The following MCAT variants were observed in gnomAD, a reference collection of about 807,000 sequenced individuals.
The protein encoded by MCAT is malonyl-CoA-acyl carrier protein transacylase, mitochondrial.
Under a neutral mutation model 22.9 loss-of-function variants are expected in MCAT, and 22 were observed. That is an observed-to-expected ratio of 0.96 (90% confidence interval 0.69 to 1.37). MCAT has a LOEUF of 1.37. Ranked by LOEUF, MCAT falls within the 40% of genes most tolerant of loss-of-function variation. The pLI, the probability that MCAT is intolerant of heterozygous loss-of-function variation, is 0.00. For missense variants in MCAT, 534 were observed against 533.6 expected, an observed-to-expected ratio of 1.00 and a Z score of -0.01; for synonymous variants, 240 against 233.9, an observed-to-expected ratio of 1.03 and a Z score of -0.24.
At position 43,137,253 on chromosome 22, in the gene MCAT, G is replaced by A; in HGVS notation, c.557C>T (p.Ser186Leu). Residue 186 changes from serine to leucine, a missense_variant, in exon 3 of 4, where the codon TCA becomes TTA. By Grantham distance (145) the Ser-to-Leu change is moderately radical. Coordinates refer to ENST00000290429, the MANE Select transcript of MCAT (RefSeq NM_173467.5). ...KIRAEAMQEA[S>L]EAVPSGMLSV... is the part of the protein sequence containing the mutation. The stretch of plus-strand genomic sequence containing the variant: ...CAGCATCCCACTGGGGACAGCTTCT[G>A]AAGCTTCCTGCATGGCCTCAGCTCG... The A allele has an allele frequency of 6.2e-7, 1 of 1,614,192 alleles. No individual in the cohort carries two copies. Among genetic ancestry groups the A allele is most frequent in the Non-Finnish European group, 8.5e-7 (1 of 1,180,040 alleles).
In MCAT at chr22:43,143,092, C is replaced by T; in HGVS notation, c.257G>A (p.Arg86His). The T allele has an allele frequency of 6.2e-7, 1 of 1,606,798 alleles. No individual in the cohort carries two copies. The highest frequency in any genetic ancestry group is 8.5e-7 in the Non-Finnish European group (1 of 1,179,030). Reference sequence around the variant, plus strand: ...GGCGGCGGCGTAGAGTTCGCGGACGCGCGGGTAGTTGAGCAGACCGCGGCC... The same window carrying T: ...GGCGGCGGCGTAGAGTTCGCGGACGTGCGGGTAGTTGAGCAGACCGCGGCC... ...GMGRGLLNYP[R>H]VRELYAAARR... The change falls in exon 1 of 4, where the codon CGC becomes CAC. Residue 86 changes from arginine (R) to histidine (H), a missense_variant. Coordinates refer to ENST00000290429, the MANE Select transcript of MCAT (RefSeq NM_173467.5).
rs746185442 is a variant in MCAT at position 43,143,364 on chromosome 22, C to T, written c.-16G>A. ...GGACGCTCATGGTCGGACACCTGCC[C>T]GCGCGCGTTACCGTGGCGACCGAGG... On this transcript the variant is annotated 5_prime_UTR_variant, in exon 1 of 4. Coordinates refer to ENST00000290429, the MANE Select transcript of MCAT (RefSeq NM_173467.5). 21 of 1,352,304 alleles carry T rather than the reference C, an allele frequency of 1.6e-5. No individual in the cohort carries two copies. The African/African-American group carries it at 2.9e-4, about 19-fold the overall frequency. The allele number at this position is 1,352,304 out of a possible 1,614,324, so 83.8% of individuals were successfully genotyped here. A position where few individuals can be genotyped will look rare whatever the true frequency, so the allele number is the denominator to read the frequency against.
intron 2 of MCAT, among the ~76,000 whole-genome samples, chr22:43,137,953 T>C (rs963906581): frequency 5.3e-5 from 8 of 152,158 alleles, no homozygotes; most frequent in Non-Finnish European, 1.2e-4. Context: ...AGGCCGGGCA[T>C]GGTGGCTTAT....
At chr22:43,139,185 A>G in intron 2 of MCAT, among the ~76,000 whole-genome samples, 1 of 152,236 alleles carries the variant, frequency 6.6e-6, no homozygotes, top group East Asian at 1.9e-4. Flanking sequence ...GAGAGCACGC[A>G]GACATCCTCC....
chr22:43,133,054 G>A lies in MCAT; in HGVS notation c.1162C>T (p.Pro388Ser). The change falls in exon 4 of 4, where the codon CCC (proline) becomes TCC (serine). Residue 388 changes from proline (P) to serine (S), a missense_variant. Transcript: ENST00000290429. ...TGAGCCCCCTGCAGTCATCTCGGGG[G>A]CTCCTGAGGGTCCAGGTCCACATGT... ...LEHVDLDPQE[P>S]PR 5 of 1,613,394 alleles carry A rather than the reference G, an allele frequency of 3.1e-6. No homozygotes were observed. The highest frequency in any genetic ancestry group is 4.2e-6 in the Non-Finnish European group (5 of 1,179,440).
intron 1 of MCAT, among the ~76,000 whole-genome samples, chr22:43,142,364 G>A (rs1930792273): frequency 6.6e-6 from 1 of 152,052 alleles, no homozygotes; most frequent in Non-Finnish European, 1.5e-5. Context: ...GTGTGCACCT[G>A]TGATCCCAGC....
intron 2 of MCAT, among the ~76,000 whole-genome samples, chr22:43,140,149 C>G (rs925131242): frequency 1.3e-5 from 2 of 152,150 alleles, no homozygotes. Flanking sequence ...CCTCTCCAGT[C>G]CCAATAACCT....
chr22:43,137,017 T>C, intron 3 of MCAT, 64 bp downstream of exon 3: 4 of 1,386,450 alleles, frequency 2.9e-6, no homozygotes, highest in Non-Finnish European at 3.1e-6. Context: ...GCCTCACGGG[T>C]GTGGAGCAGT....
rs1179674093 is a variant in MCAT at position 43,133,352 on chromosome 22, G to T, written c.864C>A (p.Val288=). 1 of 1,614,112 alleles carries T rather than the reference G, an allele frequency of 6.2e-7. No individual in the cohort carries two copies. The highest frequency in any genetic ancestry group is 1.7e-5 in the Admixed American group (1 of 60,010). ...CAGAAACCAGAGGCTTCTTAATGTC[G>T]ACTGCCTTTAAAGCTTGCGTCAGGG... ...VEPLTQALKA[V]DIKKPLVSVY... The change falls in exon 4 of 4, where the codon GTC becomes GTA. Residue 288 remains valine (V), a synonymous_variant. Transcript: ENST00000290429.
At chr22:43,140,033 T>C (rs1446971539) in intron 2 of MCAT, among the ~76,000 whole-genome samples, 1 of 152,190 alleles carries the variant, frequency 6.6e-6, no homozygotes, top group Non-Finnish European at 1.5e-5. Context: ...ACCACTTTAA[T>C]GTGTATAATT....
Position 43,132,812 on chromosome 22 carries a change from G to A in MCAT, c.*231C>T. ...TAGCTTCCCCACACACCAGCCCTGT[G>A]GCATCATTCTTCCCAACGTCCAAAC... On this transcript the variant is annotated 3_prime_UTR_variant, in exon 4 of 4. Coordinates refer to ENST00000290429, the MANE Select transcript of MCAT (RefSeq NM_173467.5). 1.8e-6 allele frequency: 1 copy of A among 548,908 alleles called. No individual in the cohort carries two copies. Among genetic ancestry groups the A allele is most frequent in the Non-Finnish European group, 3.3e-6 (1 of 305,262 alleles). The allele number at this position is 548,908 out of a possible 1,614,324, so 34.0% of individuals were successfully genotyped here. A position where few individuals can be genotyped will look rare whatever the true frequency, so the allele number is the denominator to read the frequency against.
chr22:43,140,222 T>G (rs932204868), intron 2 of MCAT, among the ~76,000 whole-genome samples: 1 of 151,984 alleles, frequency 6.6e-6, no homozygotes, highest in African/African-American at 2.4e-5. Context: ...CTGTCACCCA[T>G]GCCGCAGTGC....
intron 2 of MCAT, 98 bp downstream of exon 2, chr22:43,141,064 C>T (rs780003285): frequency 2.2e-6 from 2 of 908,160 alleles, no homozygotes; most frequent in Non-Finnish European, 3.7e-6. Context: ...GCTCCCTTCC[C>T]ATCACCTGAG....
At chr22:43,142,857 C>T in intron 1 of MCAT, 69 bp downstream of exon 1, 1 of 1,390,864 alleles carries the variant, frequency 7.2e-7, no homozygotes, top group Non-Finnish European at 9.3e-7. Context: ...CAGGCGGAAG[C>T]CTCTGGCAGG....
At chr22:43,139,726 C>T (rs1221423907) in intron 2 of MCAT, among the ~76,000 whole-genome samples, 3 of 151,800 alleles carry the variant, frequency 2.0e-5, no homozygotes, top group Non-Finnish European at 4.4e-5. Context: ...TACAGGTGCA[C>T]GCCACCACAC....
Position 43,143,240 on chromosome 22 carries a change from C to T in MCAT, c.109G>A (p.Glu37Lys), listed in dbSNP as rs201904231. The change falls in exon 1 of 4, where the codon GAG (glutamate) becomes AAG (lysine). Residue 37 changes from glutamate (E) to lysine (K), a missense_variant. Physicochemically the swap from Glu to Lys is moderately conservative, Grantham distance 56. Transcript: ENST00000290429. ...VPPPGAQGVA[E>K]LLRDATGAEE... ...GCCCCGGTCGCATCTCGCAGCAGCT[C>T]CGCTACACCCTGGGCGCCCGGCGGA... 1.6e-4 allele frequency: 236 copies of T among 1,479,480 alleles called. 1 individual carries two copies. In the African/African-American group the frequency reaches 3.0e-3, roughly 19 times the overall value. The allele number at this position is 1,479,480 out of a possible 1,614,324, so 91.6% of individuals were successfully genotyped here. A position where few individuals can be genotyped will look rare whatever the true frequency, so the allele number is the denominator to read the frequency against.
chr22:43,137,364 A>G (rs185982584), intron 2 of MCAT, 66 bp from the exon 3 acceptor site: 2 of 1,355,156 alleles, frequency 1.5e-6, no homozygotes, highest in African/African-American at 2.9e-5. Context: ...GCCAGGCCTG[A>G]GAAACAAAGC....
At chr22:43,141,777 G>C (rs889030513) in intron 1 of MCAT, among the ~76,000 whole-genome samples, 1 of 152,138 alleles carries the variant, frequency 6.6e-6, no homozygotes, top group Non-Finnish European at 1.5e-5. Context: ...TCACCATGTT[G>C]GCCAGGCTGG....
chr22:43,143,003 G>A lies in MCAT; in HGVS notation c.346C>T (p.Arg116Cys). ...SLHGPQETLD[R>C]TVHCQPAIFV... is the part of the protein sequence containing the mutation. ...ATCGCGGGCTGACAGTGCACGGTGCGGTCCAGGGTCTCCTGCGGCCCGTGC... is the reference window on the plus strand; with the variant it reads ...ATCGCGGGCTGACAGTGCACGGTGCAGTCCAGGGTCTCCTGCGGCCCGTGC... The change falls in exon 1 of 4, where the codon CGC becomes TGC. Residue 116 changes from arginine (R) to cysteine (C), a missense_variant. Physicochemically the swap from Arg to Cys is radical, Grantham distance 180 (BLOSUM62 -3). Coordinates refer to ENST00000290429, the MANE Select transcript of MCAT (RefSeq NM_173467.5). The A allele has an allele frequency of 6.2e-7, 1 of 1,607,668 alleles. No homozygotes were observed. The highest frequency in any genetic ancestry group is 8.5e-7 in the Non-Finnish European group (1 of 1,177,796).
Sources: allele counts gnomAD v4.1 joint callset (sites outside exome capture counted in the v4.1 genomes callset), GRCh38; gene constraint gnomAD v4.1.1; transcripts MANE v1.5; gene names NCBI Gene and HGNC (gene_info 2026-07-23, HGNC 2026-07-21).